The following AFAP1L1 variants were observed in gnomAD, a reference collection of about 807,000 sequenced individuals.
AFAP1L1 encodes actin filament associated protein 1 like 1.
A neutral mutation model predicts 99.8 loss-of-function variants in AFAP1L1; 77 were observed. The ratio of observed to expected loss-of-function variants is 0.77; its 90% CI spans 0.64 to 0.93. The LOEUF (loss-of-function observed/expected upper bound fraction) is 0.93. Among genes scored for constraint, AFAP1L1 ranks in the 40% least tolerant of loss-of-function variants. AFAP1L1 has a pLI of 0.00. For synonymous variants in AFAP1L1, 373 were observed against 395.3 expected (o/e 0.94, Z 0.67); for missense variants, 893 against 996.8 (o/e 0.90, Z 1.40).
chr5:149,274,408 C>G (rs1324284701), intron 1 of AFAP1L1, among the ~76,000 whole-genome samples: 1 of 152,186 alleles, frequency 6.6e-6, no homozygotes, highest in Admixed American at 6.5e-5. Context: ...ATACTCAGAT[C>G]AGTTCTTGGT....
intron 4 of AFAP1L1, 40 bp from the exon 5 acceptor site, chr5:149,302,378 C>T (rs1756251501): frequency 6.7e-7 from 1 of 1,495,042 alleles, no homozygotes; most frequent in Admixed American, 2.0e-5. Flanking sequence ...TCTCCCTACC[C>T]TGCTCCGCTC....
At chr5:149,322,341 T>C (rs1420730684) in intron 14 of AFAP1L1, among the ~76,000 whole-genome samples, 8 of 152,258 alleles carry the variant, frequency 5.3e-5, no homozygotes, top group Admixed American at 4.6e-4. Flanking sequence ...CCACCCACAG[T>C]CTTTTGAGAC....
At chr5:149,284,203 G>A (rs893869713) in intron 1 of AFAP1L1, among the ~76,000 whole-genome samples, 1 of 152,200 alleles carries the variant, frequency 6.6e-6, no homozygotes, top group Non-Finnish European at 1.5e-5. Context: ...AAAGAGTAGG[G>A]ATGTATTCTC....
Position 149,316,234 on chromosome 5 carries a change from T to A in AFAP1L1, c.1198T>A (p.Phe400Ile). The A allele has an allele frequency of 3.7e-6, 6 of 1,614,096 alleles. No homozygotes were observed. The highest frequency in any genetic ancestry group is 5.1e-6 in the Non-Finnish European group (6 of 1,180,014). Reference protein sequence around the residue: ...AGRKITRIIGFSKKKTLADDL... With the variant: ...AGRKITRIIGISKKKTLADDL... ...CCGCAAGATCACCCGTATCATTGGC[T>A]TCTCCAAGAAGAAGACACTGGCCGA... The change falls in exon 11 of 19, where the codon TTC becomes ATC. Residue 400 changes from phenylalanine to isoleucine, a missense_variant. Transcript: ENST00000296721.
chr5:149,307,619 T>G lies in AFAP1L1; in HGVS notation c.747+6T>G. ...TCAGGGAGGACCAGCTCCTGGTGAG[T>G]GGTCAGCAGCAGCCATGTGCCTCGG... On this transcript the variant is annotated splice_donor_region_variant and intron_variant, in intron 7 of 18. Coordinates refer to ENST00000296721, the MANE Select transcript of AFAP1L1 (RefSeq NM_152406.4). The G allele has an allele frequency of 6.2e-7, 1 of 1,611,434 alleles. No homozygotes were observed. The highest frequency in any genetic ancestry group is 8.5e-7 in the Non-Finnish European group (1 of 1,179,706).
At position 149,332,822 on chromosome 5, in the gene AFAP1L1, G is replaced by T. The variant is rs998752935; in HGVS notation, c.2103G>T (p.Leu701=). The T allele has an allele frequency of 1.2e-6, 2 of 1,611,754 alleles. No individual in the cohort carries two copies. The highest frequency in any genetic ancestry group is 2.7e-5 in the African/African-American group (2 of 74,890). ...TGAAGGAGCGCTTGCAGCAGTCCCT[G>T]GCAGGAGGGCCAGCCCTGGGGCTCT... ...VAVKERLQQS[L]AGGPALGLSV... is the part of the protein sequence containing the mutation. The change falls in exon 17 of 19, where the codon CTG becomes CTT. Residue 701 remains leucine, a synonymous_variant. Transcript: ENST00000296721.
chr5:149,337,207 T>C (rs1757429570), intron 18 of AFAP1L1, among the ~76,000 whole-genome samples: 1 of 152,184 alleles, frequency 6.6e-6, no homozygotes, highest in East Asian at 1.9e-4. Context: ...TTAAGAAGAC[T>C]AAGTTCTGGG....
chr5:149,292,867 G>A (rs879909592), intron 1 of AFAP1L1, among the ~76,000 whole-genome samples: 2 of 152,180 alleles, frequency 1.3e-5, no homozygotes, highest in African/African-American at 2.4e-5. Context: ...TTTCCTGACC[G>A]GGGACAGCAA....
intron 15 of AFAP1L1, among the ~76,000 whole-genome samples, 174 bp from the exon 16 acceptor site, chr5:149,329,492 C>T (rs1757190556): frequency 1.3e-5 from 2 of 152,164 alleles, no homozygotes; most frequent in Non-Finnish European, 2.9e-5. Context: ...CTGTGGCCTC[C>T]CTTTTGCTTC....
chr5:149,277,195 A>G (rs1252400830), intron 1 of AFAP1L1, among the ~76,000 whole-genome samples: 1 of 152,040 alleles, frequency 6.6e-6, no homozygotes. Context: ...TTCTTTTTCA[A>G]CTACTGCAGT....
Position 149,335,483 on chromosome 5 carries a change from C to CAAAAAT in AFAP1L1, c.2155-96_2155-91dup, listed in dbSNP as rs1554104185. The CAAAAAT allele has an allele frequency of 4.3e-6, 6 of 1,396,890 alleles. No homozygotes were observed. In the East Asian group the frequency reaches 9.7e-5, roughly 23 times the overall value. 86.5% of individuals were successfully genotyped at this position (1,396,890 alleles called of 1,614,324 possible). A position where few individuals can be genotyped will look rare whatever the true frequency, so the allele number is the denominator to read the frequency against. ...CGCCTGGGTGACAGAGACTCTGTCT[C>CAAAAAT]AAAAATAAAAATAAAAATAATAAAG... On this transcript the variant is annotated intron_variant, in intron 17 of 18. Coordinates refer to ENST00000296721, the MANE Select transcript of AFAP1L1 (RefSeq NM_152406.4).
intron 12 of AFAP1L1, among the ~76,000 whole-genome samples, chr5:149,318,774 C>T (rs533380550): frequency 2.8e-4 from 43 of 152,306 alleles, no homozygotes; most frequent in Non-Finnish European, 5.3e-4. Context: ...AAACAGAAAA[C>T]TACCTTCTGC....
At chr5:149,300,531 G>C (rs979441891) in intron 3 of AFAP1L1, among the ~76,000 whole-genome samples, 177 bp downstream of exon 3, 2 of 152,238 alleles carry the variant, frequency 1.3e-5, no homozygotes, top group Non-Finnish European at 2.9e-5. Context: ...AGTCTGCATA[G>C]GAATAGGAAT....
intron 15 of AFAP1L1, 58 bp from the exon 16 acceptor site, chr5:149,329,608 C>G: frequency 6.6e-7 from 1 of 1,520,204 alleles, no homozygotes; most frequent in Non-Finnish European, 8.8e-7. Context: ...TGACACCACA[C>G]AAGTACCTTT....
At chr5:149,279,572 T>C (rs180778508) in intron 1 of AFAP1L1, among the ~76,000 whole-genome samples, 1 of 152,358 alleles carries the variant, frequency 6.6e-6, no homozygotes, top group Non-Finnish European at 1.5e-5. Context: ...GGAGACCGCC[T>C]GATGCAATTA....
chr5:149,330,635 C>G (rs541992143), intron 16 of AFAP1L1, among the ~76,000 whole-genome samples: 1 of 152,230 alleles, frequency 6.6e-6, no homozygotes, highest in Admixed American at 6.5e-5. Flanking sequence ...GGCCAAGAAC[C>G]AGAATCAATA....
In AFAP1L1 at chr5:149,342,721, G is replaced by C. The variant is rs1581353811; in HGVS notation, c.*2691G>C. On this transcript the variant is annotated 3_prime_UTR_variant, in exon 19 of 19. Coordinates refer to ENST00000296721, the MANE Select transcript of AFAP1L1 (RefSeq NM_152406.4). Reference sequence around the variant, plus strand: ...GAGGTCAGGAGTTCAAGACCAGCCTGGCCAACATGGCAAAACCCCATCTCT... The same window carrying C: ...GAGGTCAGGAGTTCAAGACCAGCCTCGCCAACATGGCAAAACCCCATCTCT... 1.3e-5 allele frequency among the ~76,000 whole-genome samples: 2 copies of C among 152,188 alleles called. No homozygotes were observed. The highest frequency in any genetic ancestry group is 1.3e-4 in the Admixed American group (2 of 15,282).
At chr5:149,333,226 G>A (rs889292293) in intron 17 of AFAP1L1, among the ~76,000 whole-genome samples, 5 of 152,210 alleles carry the variant, frequency 3.3e-5, no homozygotes, top group Non-Finnish European at 7.3e-5. Flanking sequence ...ATCTTAACCT[G>A]TATTATCTCA....
At chr5:149,327,059 G>A (rs530506321) in intron 15 of AFAP1L1, among the ~76,000 whole-genome samples, 2 of 151,336 alleles carry the variant, frequency 1.3e-5, no homozygotes, top group South Asian at 2.1e-4. Flanking sequence ...CACACATGAA[G>A]AAGCAGGAAA....
Sources: allele counts gnomAD v4.1 joint callset (sites outside exome capture counted in the v4.1 genomes callset), GRCh38; gene constraint gnomAD v4.1.1; transcripts MANE v1.5; gene names NCBI Gene and HGNC (gene_info 2026-07-23, HGNC 2026-07-21).